Variants in PTPRO observed in about 807,000 individuals in gnomAD.
PTPRO encodes protein tyrosine phosphatase receptor type O, also known as receptor-type tyrosine-protein phosphatase O.
Under a neutral mutation model 145.2 loss-of-function variants are expected in PTPRO, and 62 were observed. The observed-to-expected ratio is 0.43, with a 90% CI of 0.35 to 0.53. The LOEUF (loss-of-function observed/expected upper bound fraction) is 0.53, where lower values mean the gene tolerates loss of function less well. Ranked by LOEUF, PTPRO falls within the 20% of genes least tolerant of loss-of-function variation. PTPRO has a pLI of 0.01. For synonymous variants in PTPRO, 565 were observed against 514.7 expected, an observed-to-expected ratio of 1.10 and a Z score of -1.32; for missense variants, 1,345 against 1,482.7, an observed-to-expected ratio of 0.91 and a Z score of 1.53.
intron 12 of PTPRO, among the ~76,000 whole-genome samples, chr12:15,533,536 C>A (rs964372829): frequency 6.6e-6 from 1 of 152,096 alleles, no homozygotes; most frequent in African/African-American, 2.4e-5. Context: ...ATTGAAATTG[C>A]GGACCTCAAA....
chr12:15,439,603 G>C, intron 1 of PTPRO: 1 of 285,986 alleles, frequency 3.5e-6, no homozygotes, highest in Non-Finnish European at 6.9e-6. Context: ...AGTGGCTTTC[G>C]TGGAGGTTTT....
At chr12:15,459,506 T>C (rs1376820241) in intron 1 of PTPRO, among the ~76,000 whole-genome samples, 1 of 152,236 alleles carries the variant, frequency 6.6e-6, no homozygotes, top group Non-Finnish European at 1.5e-5. Context: ...GTGGGGATTA[T>C]GGTTAGAGGA....
intron 1 of PTPRO, among the ~76,000 whole-genome samples, chr12:15,409,715 G>A (rs980618102): frequency 2.1e-5 from 3 of 145,898 alleles, no homozygotes; most frequent in Non-Finnish European, 2.9e-5. Context: ...GTCACTTGGC[G>A]AGAGCAGGTG....
chr12:15,551,733 T>G, intron 15 of PTPRO, 62 bp downstream of exon 15: 3 of 1,571,644 alleles, frequency 1.9e-6, no homozygotes, highest in Middle Eastern at 3.3e-4. Flanking sequence ...CTGCCATATA[T>G]ATATTGTTTT....
At chr12:15,472,929 T>C (rs1018781503) in intron 1 of PTPRO, among the ~76,000 whole-genome samples, 3 of 152,164 alleles carry the variant, frequency 2.0e-5, no homozygotes, top group Admixed American at 2.0e-4. Flanking sequence ...TCCCATGAAT[T>C]CTAGTTATAA....
rs1942687309 is a variant in PTPRO, at chr12:15,520,250, T to C, written c.1829T>C (p.Met610Thr). 1 of 1,613,856 alleles carries C rather than the reference T, an allele frequency of 6.2e-7. No homozygotes were observed. Among genetic ancestry groups the C allele is most frequent in the Admixed American group, 1.7e-5 (1 of 59,992 alleles). Residue 610 changes from methionine (M) to threonine (T), a missense_variant, in exon 10 of 27, where the codon ATG (methionine) becomes ACG (threonine). Physicochemically the swap from Met to Thr is moderately conservative, Grantham distance 81. Coordinates refer to ENST00000281171, the MANE Select transcript of PTPRO (RefSeq NM_030667.3). ...TGGTACTACAACTTCCGGGTTACCA[T>C]GGTGACGTGGGGAGATCCAGAATTG... ...PAWYYNFRVT[M>T]VTWGDPELSC...
chr12:15,427,617 A>C (rs1238458941), intron 1 of PTPRO, among the ~76,000 whole-genome samples: 1 of 151,792 alleles, frequency 6.6e-6, no homozygotes, highest in Non-Finnish European at 1.5e-5. Context: ...CTTATAAAAC[A>C]ATTTGTGATA....
intron 1 of PTPRO, among the ~76,000 whole-genome samples, chr12:15,328,135 G>A (rs984384959): frequency 1.3e-5 from 2 of 151,146 alleles, no homozygotes; most frequent in African/African-American, 4.9e-5. Flanking sequence ...AAAAGTATAT[G>A]TGAATAACCT....
intron 1 of PTPRO, among the ~76,000 whole-genome samples, chr12:15,478,600 T>C (rs758158510): frequency 1.1e-4 from 17 of 152,172 alleles, no homozygotes; most frequent in Admixed American, 2.6e-4. Flanking sequence ...GTTTACCCTA[T>C]TGGCAGAAAA....
chr12:15,442,266 A>T (rs1237793292), intron 1 of PTPRO, among the ~76,000 whole-genome samples: 1 of 152,012 alleles, frequency 6.6e-6, no homozygotes, highest in African/African-American at 2.4e-5. Context: ...TATCTCAGAC[A>T]CAGGGAAAGC....
rs536725003 is a variant in PTPRO at position 15,459,393 on chromosome 12, G to A, written c.76-24581G>A. 8.5e-5 allele frequency among the ~76,000 whole-genome samples: 13 copies of A among 152,290 alleles called. No individual in the cohort carries two copies. The East Asian group carries it at 1.9e-3, about 23-fold the overall frequency. On this transcript the variant is annotated intron_variant, in intron 1 of 26. Transcript: ENST00000281171. Reference sequence around the variant, plus strand: ...AGTCAGATCCTTGGGCAACCCCCAGGAAAATCAGAATGTTGAACACATAAT... The same window carrying A: ...AGTCAGATCCTTGGGCAACCCCCAGAAAAATCAGAATGTTGAACACATAAT...
intron 1 of PTPRO, among the ~76,000 whole-genome samples, chr12:15,451,744 T>C (rs1006670481): frequency 6.6e-6 from 1 of 152,200 alleles, no homozygotes; most frequent in Non-Finnish European, 1.5e-5. Flanking sequence ...TCCTGAATGA[T>C]CATTGGGTCA....
At chr12:15,578,509 G>T (rs1343378962) in intron 19 of PTPRO, among the ~76,000 whole-genome samples, 1 of 152,166 alleles carries the variant, frequency 6.6e-6, no homozygotes, top group East Asian at 1.9e-4. Context: ...AACAGCTGGG[G>T]CAGTTCTGCT....
chr12:15,510,199 G>C (rs1350473749), intron 7 of PTPRO, among the ~76,000 whole-genome samples: 2 of 152,206 alleles, frequency 1.3e-5, no homozygotes, highest in African/African-American at 4.8e-5. Context: ...AAATTGATAA[G>C]ATGAATTCAG....
chr12:15,412,430 C>T (rs978626162), intron 1 of PTPRO, among the ~76,000 whole-genome samples: 1 of 152,208 alleles, frequency 6.6e-6, no homozygotes, highest in Non-Finnish European at 1.5e-5. Context: ...AGTTACCAAA[C>T]ATATTTTTCC....
chr12:15,525,040 C>A, intron 11 of PTPRO, 75 bp downstream of exon 11: 2 of 1,527,530 alleles, frequency 1.3e-6, no homozygotes, highest in South Asian at 1.1e-5. Context: ...ACTAAGCAAT[C>A]ATTTATTGAC....
At position 15,396,726 on chromosome 12, in the gene PTPRO, A is replaced by G. The variant is rs540213449; in HGVS notation, c.75+73925A>G. Among the ~76,000 whole-genome samples, 4 of 152,276 alleles carry G rather than the reference A, an allele frequency of 2.6e-5. No individual in the cohort carries two copies. In the East Asian group the frequency reaches 5.8e-4, roughly 22 times the overall value. ...ACACTGTATGGACTTTTATGATTCT[A>G]TAGAGGAAGAAAATAAAATGGAAGT... On this transcript the variant is annotated intron_variant, in intron 1 of 26. Transcript: ENST00000281171.
In PTPRO at chr12:15,497,403, G is replaced by T. The variant is rs1440956256; in HGVS notation, c.508G>T (p.Asp170Tyr). The T allele has an allele frequency of 6.2e-7, 1 of 1,613,016 alleles. No homozygotes were observed. Among genetic ancestry groups the T allele is most frequent in the Non-Finnish European group, 8.5e-7 (1 of 1,179,376 alleles). ...AGACTTCCGGACAATGCTATATAAA[G>T]GTAAGCAGCAAAAGGAAAGCTGAAT... ...GKDFRTMLYK[D>Y]FFKGKTVFNH... The change falls in exon 3 of 27, where the codon GAT (aspartate) becomes TAT (tyrosine). Residue 170 changes from aspartate to tyrosine, a missense_variant and splice_region_variant. Asp to Tyr is a radical substitution (Grantham distance 160). Around this residue, in one of 3 missense-constraint regions of PTPRO, gnomAD observed 1,130 missense variants for 1,214.7 expected, o/e 0.93. Transcript: ENST00000281171.
intron 17 of PTPRO, among the ~76,000 whole-genome samples, chr12:15,564,557 G>A (rs1943851881): frequency 6.6e-6 from 1 of 152,216 alleles, no homozygotes; most frequent in African/African-American, 2.4e-5. Context: ...TTTGCAAAGT[G>A]CTGTGAAAGC....
Sources: gnomAD v4.1 joint callset for allele counts (sites outside exome capture counted in the v4.1 genomes callset) on GRCh38, gnomAD v4.1.1 for gene constraint, gnomAD v4.1.1 regional missense constraint, MANE v1.5 for transcripts, NCBI Gene and HGNC (gene_info 2026-07-23, HGNC 2026-07-21) for gene names.